Variants in ISM1 observed in about 807,000 individuals in gnomAD.
The protein encoded by ISM1 is isthmin 1.
ISM1 carries 25 observed loss-of-function variants against 46.3 expected under a neutral mutation model. The ratio of observed to expected loss-of-function variants is 0.54; its 90% CI spans 0.39 to 0.75. The LOEUF (loss-of-function observed/expected upper bound fraction) is 0.75, where lower values mean the gene tolerates loss of function less well. ISM1 is among the 30% of genes least tolerant of loss of function. ISM1 has a pLI of 0.00. For missense variants in ISM1, 536 were observed against 625.4 expected (o/e 0.86, Z 1.52); for synonymous variants, 255 against 256.7 (o/e 0.99, Z 0.06).
chr20:13,259,025 G>A (rs2039958459), intron 1 of ISM1, among the ~76,000 whole-genome samples: 1 of 152,190 alleles, frequency 6.6e-6, no homozygotes, highest in African/African-American at 2.4e-5. Context: ...GCTCATGCCT[G>A]TAATCCCAAC....
the ISM1 span, among the ~76,000 whole-genome samples, chr20:13,314,249 CATA>C: frequency 1.3e-5 from 2 of 151,944 alleles, no homozygotes; most frequent in African/African-American, 4.8e-5. Flanking sequence ...TAATGGCAAA[CATA>C]AAACTATAAA....
chr20:13,233,963 T>C, intron 1 of ISM1, among the ~76,000 whole-genome samples: 1 of 152,200 alleles, frequency 6.6e-6, no homozygotes, highest in Non-Finnish European at 1.5e-5. Flanking sequence ...AGAATCTGCA[T>C]TTTAAAAATG....
intron 1 of ISM1, among the ~76,000 whole-genome samples, chr20:13,263,246 T>C (rs190258101): frequency 7.6e-4 from 116 of 152,322 alleles, no homozygotes; most frequent in African/African-American, 2.7e-3. Flanking sequence ...CTGGTCAGCC[T>C]TGTCATCTGT....
intron 1 of ISM1, chr20:13,245,467 A>G (rs1323086345): frequency 6.6e-6 from 1 of 152,224 alleles, no homozygotes; most frequent in Non-Finnish European, 1.5e-5. Context: ...ATTTGTCAGA[A>G]GCAAGTCGTT....
chr20:13,297,413 C>T (rs1025457797), intron 5 of ISM1, among the ~76,000 whole-genome samples: 15 of 152,312 alleles, frequency 9.8e-5, no homozygotes, highest in African/African-American at 3.4e-4. Context: ...TTCTCTAATT[C>T]CCCTGCTCCC....
chr20:13,280,391 ACC>A (rs33933983), intron 3 of ISM1, among the ~76,000 whole-genome samples: 18,638 of 131,974 alleles, frequency 0.14, 2,021 homozygotes, highest in East Asian at 0.31. Context: ...CTTCAAAGTA[ACC>A]CCCCCCCCCC....
downstream of ISM1, among the ~76,000 whole-genome samples, chr20:13,305,500 T>G (rs2040493177): frequency 6.6e-6 from 1 of 152,214 alleles, no homozygotes; most frequent in African/African-American, 2.4e-5. Flanking sequence ...TCTCTGTTTG[T>G]CATTCATTTA....
the ISM1 span, among the ~76,000 whole-genome samples, chr20:13,314,847 G>A: frequency 6.6e-6 from 1 of 152,078 alleles, no homozygotes; most frequent in Non-Finnish European, 1.5e-5. Flanking sequence ...ATACATGCAT[G>A]TATGCTTATG....
chr20:13,267,158 G>A (rs2040052006), intron 1 of ISM1, among the ~76,000 whole-genome samples: 1 of 152,106 alleles, frequency 6.6e-6, no homozygotes, highest in Non-Finnish European at 1.5e-5. Flanking sequence ...TTAACAGCTT[G>A]GGGGCATGCC....
At chr20:13,268,015 A>G (rs1377409099) in intron 1 of ISM1, among the ~76,000 whole-genome samples, 1 of 152,200 alleles carries the variant, frequency 6.6e-6, no homozygotes, top group African/African-American at 2.4e-5. Flanking sequence ...AGATTAAGGG[A>G]AAAAAGCAAG....
chr20:13,221,646 G>A lies in ISM1; in HGVS notation c.-131G>A. The stretch of plus-strand genomic sequence containing the variant: ...AGCGCCAGCCCCGCGGGCCCGGGAA[G>A]CGGAGCCCTGGCGGGAGCCGAGGCG... On this transcript the variant is annotated 5_prime_UTR_variant, in exon 1 of 6. Coordinates refer to ENST00000262487, the MANE Select transcript of ISM1 (RefSeq NM_080826.2). 1 of 733,212 alleles carries A rather than the reference G, an allele frequency of 1.4e-6. No individual in the cohort carries two copies. The highest frequency in any genetic ancestry group is 1.8e-6 in the Non-Finnish European group (1 of 558,306). 45.4% of individuals were successfully genotyped at this position (733,212 alleles called of 1,614,324 possible). A position where few individuals can be genotyped will look rare whatever the true frequency, so the allele number is the denominator to read the frequency against.
intron 1 of ISM1, among the ~76,000 whole-genome samples, chr20:13,263,834 G>C (rs987400625): frequency 3.3e-5 from 5 of 152,214 alleles, no homozygotes; most frequent in Admixed American, 2.6e-4. Context: ...TATATTGTTA[G>C]TTTGTTTTAA....
intron 1 of ISM1, among the ~76,000 whole-genome samples, chr20:13,230,134 G>A (rs2039572748): frequency 6.6e-6 from 1 of 152,174 alleles, no homozygotes. Flanking sequence ...TGGTCAAGAA[G>A]AATCTGTTTT....
rs1328241614 is a variant in ISM1, at chr20:13,221,512, C to G, written c.-265C>G. ...GCAGCGCCGGGGCTTGCTCCGCAGC[C>G]GGCTTGGACACCCCCGGCCTCGCGG... On this transcript the variant is annotated 5_prime_UTR_variant, in exon 1 of 6. Coordinates refer to ENST00000262487, the MANE Select transcript of ISM1 (RefSeq NM_080826.2). Among the ~76,000 whole-genome samples the G allele has an allele frequency of 6.9e-6, 1 of 144,290 alleles. No individual in the cohort carries two copies. The highest frequency in any genetic ancestry group is 1.5e-5 in the Non-Finnish European group (1 of 64,958). 94.7% of individuals were successfully genotyped at this position (144,290 alleles called of 152,430 possible).
At chr20:13,275,748 C>T (rs184730743) in intron 2 of ISM1, among the ~76,000 whole-genome samples, 27 of 152,234 alleles carry the variant, frequency 1.8e-4, no homozygotes, top group East Asian at 1.3e-3. Context: ...CTTCCTAGAA[C>T]GGATAGATGC....
chr20:13,306,064 G>A, the ISM1 span, among the ~76,000 whole-genome samples: 826 of 144,148 alleles, frequency 5.7e-3, 14 homozygotes, highest in African/African-American at 0.02. Flanking sequence ...AGATATTCAC[G>A]ATTGCCCTCA....
At chr20:13,280,395 C>G (rs1054818049) in intron 3 of ISM1, among the ~76,000 whole-genome samples, 4 of 141,590 alleles carry the variant, frequency 2.8e-5, no homozygotes, top group Admixed American at 6.9e-5. Context: ...AAAGTAACCC[C>G]CCCCCCCCAA....
At chr20:13,312,489 A>C in the ISM1 span, among the ~76,000 whole-genome samples, 5 of 152,186 alleles carry the variant, frequency 3.3e-5, no homozygotes, top group African/African-American at 9.7e-5. Flanking sequence ...CCTCATGCAC[A>C]GTCTGAGATA....
At chr20:13,242,023 G>A (rs1223549938) in intron 1 of ISM1, among the ~76,000 whole-genome samples, 7 of 152,146 alleles carry the variant, frequency 4.6e-5, no homozygotes, top group Non-Finnish European at 5.9e-5. Context: ...CTGAAGGGAG[G>A]TGAGAAAATG....
Sources: gnomAD v4.1 joint callset for allele counts (sites outside exome capture counted in the v4.1 genomes callset) on GRCh38, gnomAD v4.1.1 for gene constraint, MANE v1.5 for transcripts, NCBI Gene and HGNC (gene_info 2026-07-23, HGNC 2026-07-21) for gene names.